The following AOPEP variants were observed in gnomAD, a reference collection of about 807,000 sequenced individuals.
AOPEP encodes aminopeptidase O.
AOPEP carries 77 observed loss-of-function variants against 98.1 expected under a neutral mutation model. The observed-to-expected ratio is 0.78, with a 90% CI of 0.65 to 0.95. The LOEUF (loss-of-function observed/expected upper bound fraction) is 0.95, where lower values mean the gene tolerates loss of function less well. AOPEP is among the 40% of genes least tolerant of loss of function. AOPEP has a pLI of 0.00. For missense variants in AOPEP, 1,024 were observed against 1,024.7 expected, an observed-to-expected ratio of 1.00 and a Z score of 0.01; for synonymous variants, 346 against 365.3, an observed-to-expected ratio of 0.95 and a Z score of 0.60.
intron 5 of AOPEP, among the ~76,000 whole-genome samples, chr9:94,890,818 C>T (rs1219446957): frequency 6.6e-6 from 1 of 152,038 alleles, no homozygotes; most frequent in African/African-American, 2.4e-5. Flanking sequence ...AGAATATATT[C>T]TCTATGATTT....
In AOPEP at chr9:95,071,627, T is replaced by C. The variant is rs146599120; in HGVS notation, c.2233-9067T>C. On this transcript the variant is annotated intron_variant, in intron 14 of 16. Coordinates refer to ENST00000375315, the MANE Select transcript of AOPEP (RefSeq NM_001193329.3). ...ATGAGGCCATTCCTGTCTTTGGTCT[T>C]GATGGTTTTTGGTGGTGGCACCGCA... is the stretch of plus-strand genomic sequence containing the variant. Among the ~76,000 whole-genome samples, 467 of 152,264 alleles carry C rather than the reference T, an allele frequency of 3.1e-3. 4 individuals are homozygous for C. Among genetic ancestry groups the C allele is most frequent in the Admixed American group, 4.0e-3 (61 of 15,296 alleles).
chr9:94,804,665 A>G (rs1172558081), intron 5 of AOPEP, among the ~76,000 whole-genome samples: 1 of 152,234 alleles, frequency 6.6e-6, no homozygotes, highest in African/African-American at 2.4e-5. Flanking sequence ...TATCAAGCGT[A>G]TACTGTGTGC....
intron 5 of AOPEP, among the ~76,000 whole-genome samples, chr9:94,831,857 C>T (rs1856044489): frequency 6.6e-6 from 1 of 151,944 alleles, no homozygotes. Flanking sequence ...CAAACCACTG[C>T]TCAAGGAAAT....
intron 11 of AOPEP, among the ~76,000 whole-genome samples, chr9:94,983,780 C>T (rs953755477): frequency 6.6e-6 from 1 of 152,114 alleles, no homozygotes; most frequent in African/African-American, 2.4e-5. Flanking sequence ...CTTTCCTCTC[C>T]CTCTCTTTAG....
chr9:94,884,890 T>A (rs2135932076), intron 5 of AOPEP, among the ~76,000 whole-genome samples: 1 of 149,954 alleles, frequency 6.7e-6, no homozygotes, highest in Middle Eastern at 3.4e-3. Flanking sequence ...GCGCCTGTAG[T>A]CCCAGCTACT....
intron 13 of AOPEP, among the ~76,000 whole-genome samples, chr9:95,031,073 C>T (rs2133364958): frequency 6.6e-6 from 1 of 152,294 alleles, no homozygotes; most frequent in Non-Finnish European, 1.5e-5. Context: ...TAGGCTTGAT[C>T]CCAGGCTAGT....
intron 5 of AOPEP, among the ~76,000 whole-genome samples, chr9:94,910,273 G>T (rs1355983669): frequency 6.6e-6 from 1 of 152,140 alleles, no homozygotes; most frequent in African/African-American, 2.4e-5. Context: ...GTGGAGAGTG[G>T]CTCTGAAGCA....
At chr9:95,098,459 C>T in the AOPEP span, among the ~76,000 whole-genome samples, 17 of 152,338 alleles carry the variant, frequency 1.1e-4, no homozygotes, top group African/African-American at 3.6e-4. Context: ...TGAGAGGCTC[C>T]TCAGGAGTGT....
At chr9:94,928,765 C>T (rs569276103) in intron 7 of AOPEP, 13 of 460,166 alleles carry the variant, frequency 2.8e-5, no homozygotes, top group Admixed American at 1.2e-4. Context: ...AGGCCATTTC[C>T]GGGGGTCAGA....
chr9:95,062,135 C>T (rs2067367806), intron 14 of AOPEP, among the ~76,000 whole-genome samples: 1 of 152,172 alleles, frequency 6.6e-6, no homozygotes, highest in African/African-American at 2.4e-5. Context: ...GTTCTTGCAG[C>T]TCAACTTAGT....
At chr9:95,010,897 A>G (rs1367896578) in intron 13 of AOPEP, among the ~76,000 whole-genome samples, 5 of 152,222 alleles carry the variant, frequency 3.3e-5, no homozygotes, top group Admixed American at 6.5e-5. Context: ...TTAATACGCA[A>G]TTCGTTACTT....
the AOPEP span, chr9:95,101,656 C>G: frequency 6.2e-7 from 1 of 1,609,580 alleles, no homozygotes. Flanking sequence ...GTCCTGTGGC[C>G]CTGGCGAGCC....
chr9:94,864,793 A>C (rs961363354), intron 5 of AOPEP, among the ~76,000 whole-genome samples: 2 of 152,202 alleles, frequency 1.3e-5, no homozygotes, highest in Non-Finnish European at 2.9e-5. Context: ...AGTATAATTC[A>C]GTTATTTTAA....
At chr9:95,111,382 CA>C in the AOPEP span, 13 of 1,597,144 alleles carry the variant, frequency 8.1e-6, no homozygotes, top group Admixed American at 1.8e-4. Flanking sequence ...AAGCCAAGCC[CA>C]CAACAGAGCC....
chr9:95,015,095 A>G (rs2062866795), intron 13 of AOPEP, among the ~76,000 whole-genome samples: 1 of 152,208 alleles, frequency 6.6e-6, no homozygotes, highest in Non-Finnish European at 1.5e-5. Context: ...ACCCGAGGCT[A>G]CCCTGGGCTA....
intron 9 of AOPEP, among the ~76,000 whole-genome samples, chr9:94,966,841 G>C (rs2059231581): frequency 6.6e-6 from 1 of 152,136 alleles, no homozygotes; most frequent in South Asian, 2.1e-4. Context: ...AGAATGAAAT[G>C]GGCTGGAAAA....
chr9:95,149,778 C>A, the AOPEP span: 1 of 966,460 alleles, frequency 1.0e-6, no homozygotes. Context: ...CACACCTGGC[C>A]GGGATACTCA....
intron 4 of AOPEP, among the ~76,000 whole-genome samples, chr9:94,794,076 C>T (rs1184978073): frequency 1.3e-5 from 2 of 152,158 alleles, no homozygotes; most frequent in Admixed American, 1.3e-4. Flanking sequence ...CCTGCTTGGT[C>T]AGGGCTTTGT....
At chr9:94,911,362 G>T (rs976006663) in intron 5 of AOPEP, among the ~76,000 whole-genome samples, 5 of 152,254 alleles carry the variant, frequency 3.3e-5, no homozygotes, top group Admixed American at 3.3e-4. Context: ...TCATTGCCTA[G>T]TGGCATTCAC....
Sources: allele counts gnomAD v4.1 joint callset (sites outside exome capture counted in the v4.1 genomes callset), GRCh38; gene constraint gnomAD v4.1.1; transcripts MANE v1.5; gene names NCBI Gene and HGNC (gene_info 2026-07-23, HGNC 2026-07-21).